RAB11FIP5: variants seen among roughly 807,000 people sequenced by gnomAD.
The protein encoded by RAB11FIP5 is rab11 family-interacting protein 5.
Under a neutral mutation model 85.1 loss-of-function variants are expected in RAB11FIP5, and 48 were observed. That is an observed-to-expected ratio of 0.56 (90% CI 0.45 to 0.72). The LOEUF is 0.72. RAB11FIP5 is among the 30% of genes least tolerant of loss of function. RAB11FIP5 has a pLI of 0.00. For synonymous variants in RAB11FIP5, 729 were observed against 727.3 expected, an observed-to-expected ratio of 1.00 and a Z score of -0.04; for missense variants, 1,491 against 1,687.0, an observed-to-expected ratio of 0.88 and a Z score of 2.04.
In RAB11FIP5 at chr2:73,079,295, G is replaced by A. The variant is rs1468959490; in HGVS notation, c.3581+356C>T. ...CGCCCCCCACCCACAGCTCCCCTGC[G>A]GCTGAGTGCACACACTCCAGAAGGG... On this transcript the variant is annotated intron_variant, in intron 4 of 5. Coordinates refer to ENST00000486777, the MANE Select transcript of RAB11FIP5 (RefSeq NM_001371272.1). Among the ~76,000 whole-genome samples, 12 of 152,048 alleles carry A rather than the reference G, an allele frequency of 7.9e-5. No individual in the cohort carries two copies. In the South Asian group the frequency reaches 1.7e-3, roughly 21 times the overall value.
rs774431399 is a variant in RAB11FIP5, at chr2:73,088,961, G to T, written c.786C>A (p.Ser262Arg). The T allele has an allele frequency of 3.1e-6, 5 of 1,613,308 alleles. No individual in the cohort carries two copies. The African/African-American group carries it at 4.0e-5, about 13-fold the overall frequency. The change falls in exon 2 of 6, where the codon AGC becomes AGA. Residue 262 changes from serine to arginine, a missense_variant. Ser to Arg is a moderately radical substitution (Grantham distance 110). Around this residue, in one of 3 missense-constraint regions of RAB11FIP5, gnomAD observed 1,211 missense variants for 1,338.0 expected, o/e 0.91. Transcript: ENST00000486777. ...CAGGTCCCTGGTAGGCCAAGCTCCC[G>T]CTGGCTGAGGACAGGGTGCTGTCCG... ...LGSDSTLSSASGSLAYQGPGA... is the reference protein window; with the variant it reads ...LGSDSTLSSARGSLAYQGPGA...
intron 4 of RAB11FIP5, among the ~76,000 whole-genome samples, chr2:73,076,450 C>G (rs1477942601): frequency 4.6e-5 from 7 of 152,176 alleles, no homozygotes; most frequent in African/African-American, 1.7e-4. Flanking sequence ...TTCACAGGGA[C>G]AGCAAAGGCC....
chr2:73,080,395 G>A lies in RAB11FIP5; in HGVS notation c.2837C>T (p.Pro946Leu), dbSNP rs1042760133. Residue 946 changes from proline to leucine, a missense_variant, in exon 4 of 6, where the codon CCC (proline) becomes CTC (leucine). Transcript: ENST00000486777. ...CTCTCCCTCCTCCTTGGTCTCCGGG[G>A]GACCGACAACCAGTGCACTTGGGGA... is the stretch of plus-strand genomic sequence containing the variant. ...DASPSALVVG[P>L]PETKEEGEKR... is the part of the protein sequence containing the mutation. 1.1e-5 allele frequency: 13 copies of A among 1,233,024 alleles called. No homozygotes were observed. The African/African-American group carries it at 1.4e-4, about 13-fold the overall frequency. The allele number at this position is 1,233,024 out of a possible 1,614,324, so 76.4% of individuals were successfully genotyped here.
At position 73,112,583 on chromosome 2, in the gene RAB11FIP5, G is replaced by A. The variant is rs1211083245; in HGVS notation, c.195C>T (p.Gly65=). 8 of 1,597,484 alleles carry A rather than the reference G, an allele frequency of 5.0e-6. No individual in the cohort carries two copies. The highest frequency in any genetic ancestry group is 6.8e-6 in the Non-Finnish European group (8 of 1,173,766). Residue 65 remains glycine (G), a synonymous_variant, in exon 1 of 6, where the codon GGC becomes GGT. Coordinates refer to ENST00000486777, the MANE Select transcript of RAB11FIP5 (RefSeq NM_001371272.1). ...AGCACTCCTCACGCCACTCGGGGCAGCCGTGCGTCTTCTCCACCACCGACG... is the reference window on the plus strand; with the variant it reads ...AGCACTCCTCACGCCACTCGGGGCAACCGTGCGTCTTCTCCACCACCGACG... The part of the protein sequence containing the change: ...YSTSVVEKTH[G]CPEWREECSF...
At chr2:73,109,500 G>T (rs1028231606) in intron 1 of RAB11FIP5, among the ~76,000 whole-genome samples, 10 of 152,190 alleles carry the variant, frequency 6.6e-5, no homozygotes, top group African/African-American at 2.2e-4. Flanking sequence ...CTGTCTGCTG[G>T]TAAGTCACAG....
chr2:73,083,827 G>A (rs555531366), intron 3 of RAB11FIP5, among the ~76,000 whole-genome samples: 2 of 152,142 alleles, frequency 1.3e-5, no homozygotes, highest in Non-Finnish European at 2.9e-5. Flanking sequence ...ACAGGACCCG[G>A]GCCCCCAGGA....
At position 73,080,212 on chromosome 2, in the gene RAB11FIP5, T is replaced by A; in HGVS notation, c.3020A>T (p.His1007Leu). The A allele has an allele frequency of 2.4e-6, 3 of 1,231,982 alleles. No homozygotes were observed. The highest frequency in any genetic ancestry group is 3.0e-6 in the Non-Finnish European group (3 of 988,068). The allele number at this position is 1,231,982 out of a possible 1,614,324, so 76.3% of individuals were successfully genotyped here. ...CPEGPAPIPC[H>L]SKSLALQSQH... is the part of the protein sequence containing the mutation. ...ACTCTGAAGAGCCAAGCTCTTTGAG[T>A]GACAGGGTATGGGGGCAGGACCCTC... Residue 1007 changes from histidine (H) to leucine (L), a missense_variant, in exon 4 of 6, where the codon CAC becomes CTC. Around this residue, in one of 3 missense-constraint regions of RAB11FIP5, gnomAD observed 1,211 missense variants for 1,338.0 expected, o/e 0.91. Coordinates refer to ENST00000486777, the MANE Select transcript of RAB11FIP5 (RefSeq NM_001371272.1).
rs201387877 is a variant in RAB11FIP5 at position 73,095,590 on chromosome 2, C to G, written c.432-6275G>C. On this transcript the variant is annotated intron_variant, in intron 1 of 5. Transcript: ENST00000486777. ...TGCAGCTCTTTTATTATCCATGCAACCAGCCCAGGAGATGGGAGGCCCATT... is the reference window on the plus strand; with the variant it reads ...TGCAGCTCTTTTATTATCCATGCAAGCAGCCCAGGAGATGGGAGGCCCATT... Among the ~76,000 whole-genome samples, 4 of 152,288 alleles carry G rather than the reference C, an allele frequency of 2.6e-5. No homozygotes were observed. The South Asian group carries it at 6.2e-4, about 24-fold the overall frequency.
chr2:73,108,497 A>G (rs755785867), intron 1 of RAB11FIP5, among the ~76,000 whole-genome samples: 3 of 152,234 alleles, frequency 2.0e-5, no homozygotes, highest in Non-Finnish European at 2.9e-5. Context: ...GGTCTCCCCA[A>G]CCAAAATGGC....
Position 73,081,538 on chromosome 2 carries a change from A to T in RAB11FIP5, c.1694T>A (p.Leu565His), listed in dbSNP as rs1683984881. The T allele has an allele frequency of 1.6e-6, 2 of 1,219,040 alleles. No individual in the cohort carries two copies. The highest frequency in any genetic ancestry group is 6.3e-5 in the East Asian group (2 of 31,614). 75.5% of individuals were successfully genotyped at this position (1,219,040 alleles called of 1,614,324 possible). The change falls in exon 4 of 6, where the codon CTT becomes CAT. Residue 565 changes from leucine to histidine, a missense_variant. Transcript: ENST00000486777. The surrounding 1 kb of genome is among the most constrained non-coding windows in gnomAD (Gnocchi z 4.2). Reference protein sequence around the residue: ...PTAAPMLSTNLFAAASPAAAT... With the variant: ...PTAAPMLSTNHFAAASPAAAT... ...AGCAGCGGGGGAGGCGGCTGCAAAAAGGTTAGTGCTTAGCATGGGAGCAGC... is the reference window on the plus strand; with the variant it reads ...AGCAGCGGGGGAGGCGGCTGCAAAATGGTTAGTGCTTAGCATGGGAGCAGC...
At chr2:73,090,366 C>T (rs1211113084) in intron 1 of RAB11FIP5, among the ~76,000 whole-genome samples, 2 of 152,152 alleles carry the variant, frequency 1.3e-5, no homozygotes, top group Non-Finnish European at 2.9e-5. Flanking sequence ...AAGCAAACTC[C>T]GATCACACAA....
intron 1 of RAB11FIP5, among the ~76,000 whole-genome samples, chr2:73,104,164 A>G (rs1003552539): frequency 1.3e-5 from 2 of 152,228 alleles, no homozygotes; most frequent in South Asian, 2.1e-4. Context: ...GTTACACAAG[A>G]ACTGGTAATG....
rs1474399983 is a variant in RAB11FIP5, at chr2:73,112,414, TGTC to T, written c.361_363del (p.Asp121del). ...GCCACCGTGGCCTGGCCCAGGAACT[TGTC>T]GACGCCGATGAGCGAGCGGTGCATG... is the stretch of plus-strand genomic sequence containing the variant. On this transcript the variant is annotated inframe_deletion, in exon 1 of 6. Coordinates refer to ENST00000486777, the MANE Select transcript of RAB11FIP5 (RefSeq NM_001371272.1). The T allele has an allele frequency of 1.2e-6, 2 of 1,601,562 alleles. No individual in the cohort carries two copies. Among genetic ancestry groups the T allele is most frequent in the Non-Finnish European group, 1.7e-6 (2 of 1,176,606 alleles).
intron 4 of RAB11FIP5, among the ~76,000 whole-genome samples, chr2:73,077,549 C>G (rs553253287): frequency 6.6e-6 from 1 of 152,338 alleles, no homozygotes; most frequent in East Asian, 1.9e-4. Flanking sequence ...AATACAATCT[C>G]TAACACAATC....
rs1211229271 is a variant in RAB11FIP5, at chr2:73,081,896, G to A, written c.1569-233C>T. On this transcript the variant is annotated intron_variant, in intron 3 of 5. Coordinates refer to ENST00000486777, the MANE Select transcript of RAB11FIP5 (RefSeq NM_001371272.1). This position sits in a 1 kb window ranked among gnomAD's most constrained non-coding sequence, Gnocchi z 4.2. ...TATTTTAATGCTCACTCCAACCCCA[G>A]AGAGAAATCATCTCATCTGATAGGC... 6.6e-6 allele frequency among the ~76,000 whole-genome samples: 1 copy of A among 152,146 alleles called. No homozygotes were observed.
rs542960868 is a variant in RAB11FIP5 at position 73,079,852 on chromosome 2, G to A, written c.3380C>T (p.Pro1127Leu). The A allele has an allele frequency of 1.9e-5, 23 of 1,232,350 alleles. No individual in the cohort carries two copies. In the South Asian group the frequency reaches 7.8e-4, roughly 42 times the overall value. The allele number at this position is 1,232,350 out of a possible 1,614,324, so 76.3% of individuals were successfully genotyped here. ...AGTCAGGGGCCAGGCTTCAGACAGG[G>A]GAGAGCATGGAGGGCTGGGCCCCCC... ...HRGGPSPPCS[P>L]LSEAWPLTTS... Residue 1127 changes from proline to leucine, a missense_variant, in exon 4 of 6, where the codon CCC becomes CTC. Transcript: ENST00000486777.
In RAB11FIP5 at chr2:73,080,768, G is replaced by A. The variant is rs1373796524; in HGVS notation, c.2464C>T (p.Leu822Phe). ...TCAGCTGTCTCGACGTCAGGGCAAA[G>A]CTGATTTTCGCCTCGGGAGGACTCA... ...DDESSRGENQ[L>F]CPDVETADDA... The change falls in exon 4 of 6, where the codon CTT becomes TTT. Residue 822 changes from leucine to phenylalanine, a missense_variant. Physicochemically the swap from Leu to Phe is conservative, Grantham distance 22. Coordinates refer to ENST00000486777, the MANE Select transcript of RAB11FIP5 (RefSeq NM_001371272.1). The A allele has an allele frequency of 1.6e-6, 2 of 1,232,452 alleles. No individual in the cohort carries two copies. The highest frequency in any genetic ancestry group is 3.1e-5 in the African/African-American group (2 of 64,424). 76.3% of individuals were successfully genotyped at this position (1,232,452 alleles called of 1,614,324 possible).
At position 73,080,597 on chromosome 2, in the gene RAB11FIP5, G is replaced by T. The variant is rs1209626884; in HGVS notation, c.2635C>A (p.Pro879Thr). 8.1e-7 allele frequency: 1 copy of T among 1,232,230 alleles called. No individual in the cohort carries two copies. Among genetic ancestry groups the T allele is most frequent in the African/African-American group, 1.6e-5 (1 of 64,412 alleles). The allele number at this position is 1,232,230 out of a possible 1,614,324, so 76.3% of individuals were successfully genotyped here. A position where few individuals can be genotyped will look rare whatever the true frequency, so the allele number is the denominator to read the frequency against. ...GGTTTAGGCTCGGGCTCCGGTGGGG[G>T]AAGCCCCTCGCTCCCCTTGGGGCTC... ...TVSPKGSEGL[P>T]PPEPEPKPEW... Residue 879 changes from proline to threonine, a missense_variant, in exon 4 of 6, where the codon CCC (proline) becomes ACC (threonine). Transcript: ENST00000486777.
In RAB11FIP5 at chr2:73,093,097, G is replaced by A. The variant is rs187491961; in HGVS notation, c.432-3782C>T. Among the ~76,000 whole-genome samples, 14 of 152,316 alleles carry A rather than the reference G, an allele frequency of 9.2e-5. No individual in the cohort carries two copies. The East Asian group carries it at 2.1e-3, about 23-fold the overall frequency. On this transcript the variant is annotated intron_variant, in intron 1 of 5. Coordinates refer to ENST00000486777, the MANE Select transcript of RAB11FIP5 (RefSeq NM_001371272.1). ...AGAATGGAAAACTATGAACACTGTC[G>A]AGGGGGGCTGAGGAATCCGCAATGA...
Sources: allele counts gnomAD v4.1 joint callset (sites outside exome capture counted in the v4.1 genomes callset), GRCh38; gene constraint gnomAD v4.1.1; regional missense constraint gnomAD v4.1.1; non-coding constraint Gnocchi (gnomAD v3.1); transcripts MANE v1.5; gene names NCBI Gene and HGNC (gene_info 2026-07-23, HGNC 2026-07-21).